KCNIP4: variants seen among roughly 807,000 people sequenced by gnomAD.
KCNIP4 encodes the protein Kv channel-interacting protein 4.
A neutral mutation model predicts 34.0 loss-of-function variants in KCNIP4; 12 were observed. The observed-to-expected ratio is 0.35, with a 90% confidence interval of 0.23 to 0.57. KCNIP4 has a LOEUF of 0.57. Ranked by LOEUF, KCNIP4 falls within the 20% of genes least tolerant of loss-of-function variation. KCNIP4 has a pLI of 0.83. For missense variants in KCNIP4, 238 were observed against 311.7 expected (o/e 0.76, Z 1.78); for synonymous variants, 124 against 102.2 (o/e 1.21, Z -1.29).
chr4:21,290,610 G>T (rs749676779), intron 1 of KCNIP4, among the ~76,000 whole-genome samples: 4 of 152,148 alleles, frequency 2.6e-5, no homozygotes, highest in African/African-American at 4.8e-5. Context: ...ATTCTCATGG[G>T]ACTTGTGGTG....
chr4:21,687,653 T>C (rs1750919979), intron 1 of KCNIP4, among the ~76,000 whole-genome samples: 1 of 152,178 alleles, frequency 6.6e-6, no homozygotes, highest in Admixed American at 6.6e-5. Context: ...TGTGGGACAG[T>C]TTGGATTTGT....
At chr4:20,816,003 C>T (rs769683606) in intron 3 of KCNIP4, among the ~76,000 whole-genome samples, 10 of 152,058 alleles carry the variant, frequency 6.6e-5, no homozygotes, top group Non-Finnish European at 1.3e-4. Context: ...AATCCCAGCA[C>T]TTTTGGAGGC....
At chr4:21,096,747 T>C (rs963321737) in intron 1 of KCNIP4, among the ~76,000 whole-genome samples, 3 of 152,140 alleles carry the variant, frequency 2.0e-5, no homozygotes, top group Non-Finnish European at 4.4e-5. Context: ...CTCCTTTGAA[T>C]AATTTTAATT....
chr4:21,778,231 T>C (rs1719317075), intron 1 of KCNIP4, among the ~76,000 whole-genome samples: 1 of 69,920 alleles, frequency 1.4e-5, no homozygotes, highest in South Asian at 2.8e-4. Context: ...TTCCTTTTTT[T>C]TTTTCTTTTT....
intron 1 of KCNIP4, among the ~76,000 whole-genome samples, chr4:21,115,034 A>G (rs1749568110): frequency 6.6e-6 from 1 of 152,216 alleles, no homozygotes; most frequent in Non-Finnish European, 1.5e-5. Context: ...AGTCATCCAC[A>G]TGGGTCCCCA....
chr4:21,576,445 G>GA (rs145528084), intron 1 of KCNIP4, among the ~76,000 whole-genome samples: 3 of 151,778 alleles, frequency 2.0e-5, no homozygotes, highest in Admixed American at 6.6e-5. Context: ...TCCTGTTACT[G>GA]AAAAAAAATC....
chr4:21,755,352 C>T (rs557185938), intron 1 of KCNIP4, among the ~76,000 whole-genome samples: 2 of 152,120 alleles, frequency 1.3e-5, no homozygotes. Flanking sequence ...AAATGAATGA[C>T]TCATTTAGTT....
At chr4:21,217,225 C>T (rs376872303) in intron 1 of KCNIP4, among the ~76,000 whole-genome samples, 52 of 152,266 alleles carry the variant, frequency 3.4e-4, no homozygotes, top group African/African-American at 1.2e-3. Flanking sequence ...TTAATATTTA[C>T]GAAGTGCTTA....
At chr4:21,397,356 A>T (rs1723093374) in intron 1 of KCNIP4, among the ~76,000 whole-genome samples, 1 of 152,138 alleles carries the variant, frequency 6.6e-6, no homozygotes, top group Admixed American at 6.6e-5. Flanking sequence ...TGGTATTAAT[A>T]TTTTTTTCCA....
At chr4:21,730,631 A>G (rs1234304531) in intron 1 of KCNIP4, among the ~76,000 whole-genome samples, 1 of 152,190 alleles carries the variant, frequency 6.6e-6, no homozygotes, top group South Asian at 2.1e-4. Context: ...TTAATAAAAC[A>G]TTGTAATGGG....
chr4:21,265,038 G>A (rs978717928), intron 1 of KCNIP4, among the ~76,000 whole-genome samples: 14 of 152,128 alleles, frequency 9.2e-5, no homozygotes, highest in Admixed American at 4.6e-4. Flanking sequence ...GGTGAACATT[G>A]CAGTGAGCCG....
chr4:21,856,930 G>A (rs1191607482), intron 1 of KCNIP4, among the ~76,000 whole-genome samples: 1 of 152,150 alleles, frequency 6.6e-6, no homozygotes, highest in Non-Finnish European at 1.5e-5. Flanking sequence ...CAGACTTTGG[G>A]CACCGAGGAG....
At chr4:21,228,649 T>G (rs1012684646) in intron 1 of KCNIP4, among the ~76,000 whole-genome samples, 1 of 152,200 alleles carries the variant, frequency 6.6e-6, no homozygotes, top group African/African-American at 2.4e-5. Context: ...TTAGTTCTCT[T>G]CTTCCTTCAT....
intron 1 of KCNIP4, among the ~76,000 whole-genome samples, chr4:21,078,850 T>C (rs145242239): frequency 6.6e-6 from 1 of 152,068 alleles, no homozygotes; most frequent in East Asian, 1.9e-4. Flanking sequence ...ACTCTGCCCC[T>C]GGGGAGGCGA....
intron 1 of KCNIP4, among the ~76,000 whole-genome samples, chr4:21,019,152 C>CT (rs1321125043): frequency 2.6e-5 from 4 of 152,036 alleles, no homozygotes; most frequent in Non-Finnish European, 5.9e-5. Flanking sequence ...ATTTTCTATT[C>CT]TTTTTTGTTG....
Position 21,060,385 on chromosome 4 carries a change from C to T in KCNIP4, c.62-177676G>A, listed in dbSNP as rs554387999. Among the ~76,000 whole-genome samples, 501 of 152,156 alleles carry T rather than the reference C, an allele frequency of 3.3e-3. 3 individuals are homozygous for T. Among genetic ancestry groups the T allele is most frequent in the African/African-American group, 0.011 (474 of 41,532 alleles). ...TTTTTTCCCTACACAAAATTAGGGGCATAAATTACTATTTTATTTTTAGAG... is the reference window on the plus strand; with the variant it reads ...TTTTTTCCCTACACAAAATTAGGGGTATAAATTACTATTTTATTTTTAGAG... On this transcript the variant is annotated intron_variant, in intron 1 of 8. Coordinates refer to ENST00000382152, the MANE Select transcript of KCNIP4 (RefSeq NM_025221.6).
At chr4:21,458,652 C>A (rs1374620176) in intron 1 of KCNIP4, among the ~76,000 whole-genome samples, 1 of 151,958 alleles carries the variant, frequency 6.6e-6, no homozygotes, top group East Asian at 1.9e-4. Flanking sequence ...GATCGCTAAC[C>A]TAAAAAAGCC....
At chr4:21,923,535 C>T (rs1578147803) in intron 1 of KCNIP4, among the ~76,000 whole-genome samples, 1 of 152,178 alleles carries the variant, frequency 6.6e-6, no homozygotes, top group African/African-American at 2.4e-5. Context: ...GAGCCAAGAT[C>T]ATGCCATTGC....
chr4:21,620,461 C>T (rs193257802), intron 1 of KCNIP4, among the ~76,000 whole-genome samples: 1 of 152,180 alleles, frequency 6.6e-6, no homozygotes, highest in Non-Finnish European at 1.5e-5. Flanking sequence ...AAGATCACTC[C>T]TGTCTGGGTA....
Sources: allele counts gnomAD v4.1 joint callset (sites outside exome capture counted in the v4.1 genomes callset), GRCh38; gene constraint gnomAD v4.1.1; transcripts MANE v1.5; gene names NCBI Gene and HGNC (gene_info 2026-07-23, HGNC 2026-07-21).